The following KLHL14 variants were observed in gnomAD, a reference collection of about 807,000 sequenced individuals.
KLHL14 encodes the protein kelch like family member 14.
KLHL14 carries 22 observed loss-of-function variants against 64.3 expected under a neutral mutation model. The ratio of observed to expected loss-of-function variants is 0.34; its 90% CI spans 0.24 to 0.49. The LOEUF (loss-of-function observed/expected upper bound fraction) is 0.49, where lower values mean the gene tolerates loss of function less well. KLHL14 is among the 20% of genes least tolerant of loss of function. The pLI is 0.99. For synonymous variants in KLHL14, 322 were observed against 333.4 expected (o/e 0.97, Z 0.37); for missense variants, 661 against 789.0 (o/e 0.84, Z 1.94).
chr18:32,693,409 C>CAGAGAG (rs1300511311), intron 4 of KLHL14, among the ~76,000 whole-genome samples: 12 of 116,794 alleles, frequency 1.0e-4, no homozygotes, highest in South Asian at 8.4e-4. Context: ...CACACACACA[C>CAGAGAG]ACACAGAGAG....
At chr18:32,746,408 C>A (rs1356242802) in intron 2 of KLHL14, among the ~76,000 whole-genome samples, 1 of 152,188 alleles carries the variant, frequency 6.6e-6, no homozygotes, top group African/African-American at 2.4e-5. Context: ...TGAGTGCTGG[C>A]GTGCATACAT....
intron 4 of KLHL14, among the ~76,000 whole-genome samples, chr18:32,688,014 AG>A (rs1300509665): frequency 6.6e-6 from 1 of 152,234 alleles, no homozygotes; most frequent in African/African-American, 2.4e-5. Context: ...CTGCTTAACC[AG>A]CTTATCCTCT....
At chr18:32,684,981 T>A (rs2049869430) in intron 5 of KLHL14, among the ~76,000 whole-genome samples, 1 of 152,110 alleles carries the variant, frequency 6.6e-6, no homozygotes. Context: ...AGATCTGCCT[T>A]TTCCCACTCA....
At chr18:32,682,641 C>T (rs751304712) in intron 5 of KLHL14, among the ~76,000 whole-genome samples, 5 of 152,164 alleles carry the variant, frequency 3.3e-5, no homozygotes, top group Non-Finnish European at 7.4e-5. Context: ...AATTTCAAAG[C>T]AGTTGCAAAA....
intron 3 of KLHL14, among the ~76,000 whole-genome samples, chr18:32,723,774 A>AG (rs1038385933): frequency 6.6e-6 from 1 of 152,040 alleles, no homozygotes; most frequent in African/African-American, 2.4e-5. Flanking sequence ...GGGGTTGGAG[A>AG]GGGGGGTACA....
At chr18:32,708,159 C>A (rs1036697342) in intron 3 of KLHL14, among the ~76,000 whole-genome samples, 2 of 152,136 alleles carry the variant, frequency 1.3e-5, no homozygotes, top group African/African-American at 2.4e-5. Context: ...GTATTTCTGA[C>A]AAACTGCTTC....
At chr18:32,733,736 A>C (rs2050148236) in intron 3 of KLHL14, 1 of 166,174 alleles carries the variant, frequency 6.0e-6, no homozygotes, top group Admixed American at 5.8e-5. Flanking sequence ...CACAGGGAGA[A>C]GCAGGGGGCA....
At chr18:32,704,257 C>T (rs1222465185) in intron 3 of KLHL14, among the ~76,000 whole-genome samples, 3 of 152,066 alleles carry the variant, frequency 2.0e-5, no homozygotes, top group Admixed American at 1.3e-4. Flanking sequence ...TAGATGATGG[C>T]CCCATAGTTG....
At chr18:32,679,133 A>G (rs1346623764) in intron 7 of KLHL14, among the ~76,000 whole-genome samples, 1 of 149,296 alleles carries the variant, frequency 6.7e-6, no homozygotes, top group Non-Finnish European at 1.5e-5. Context: ...AGCAGCAGAC[A>G]TGCACTAGGC....
intron 3 of KLHL14, among the ~76,000 whole-genome samples, chr18:32,700,502 C>T (rs888157229): frequency 6.6e-6 from 1 of 152,182 alleles, no homozygotes; most frequent in Admixed American, 6.5e-5. Context: ...TTTCCAGAGA[C>T]ATTATATATA....
At chr18:32,740,836 C>T (rs760503219) in intron 3 of KLHL14, 3 of 152,134 alleles carry the variant, frequency 2.0e-5, no homozygotes, top group Admixed American at 6.6e-5. Context: ...CTGGACAATG[C>T]TACTGCAGGT....
intron 3 of KLHL14, among the ~76,000 whole-genome samples, chr18:32,709,202 A>G (rs897333140): frequency 1.5e-4 from 23 of 152,186 alleles, no homozygotes; most frequent in Non-Finnish European, 3.1e-4. Context: ...CGGTGCTCCA[A>G]CCATACCGGC....
At chr18:32,724,080 G>T (rs921472957) in intron 3 of KLHL14, among the ~76,000 whole-genome samples, 2 of 152,154 alleles carry the variant, frequency 1.3e-5, no homozygotes, top group Non-Finnish European at 2.9e-5. Context: ...GTCAGTTACA[G>T]GTCAAAGAAC....
rs528918580 is a variant in KLHL14 at position 32,679,918 on chromosome 18, GTTTCTTA to G, written c.1588+244_1588+250del. ...GTGTTCTTCAGTTATTAATGCTCCT[GTTTCTTA>G]TTTTCTGTAGACATCATTATCCTTT... On this transcript the variant is annotated intron_variant, in intron 7 of 8. Transcript: ENST00000359358. 5.3e-5 allele frequency among the ~76,000 whole-genome samples: 8 copies of G among 152,200 alleles called. No homozygotes were observed. In the South Asian group the frequency reaches 1.7e-3, roughly 32 times the overall value.
In KLHL14 at chr18:32,769,870, A is replaced by T; in HGVS notation, c.722T>A (p.Met241Lys). Residue 241 changes from methionine (M) to lysine (K), a missense_variant, in exon 2 of 9, where the codon ATG becomes AAG. Physicochemically the swap from Met to Lys is moderately conservative, Grantham distance 95. This residue lies in a region of KLHL14 where 331 missense variants were observed against 339.0 expected (regional missense o/e 0.98). Transcript: ENST00000359358. ...PVESELALFQ[M>K]SVLWLEHDRE... ...GTCGTGCTCCAGCCACAGCACGGAC[A>T]TCTGGAAGAGCGCCAGCTCCGACTC... 1.2e-6 allele frequency: 2 copies of T among 1,613,988 alleles called. No individual in the cohort carries two copies. The highest frequency in any genetic ancestry group is 1.7e-6 in the Non-Finnish European group (2 of 1,180,024).
At chr18:32,694,396 G>T (rs1345440198) in intron 4 of KLHL14, among the ~76,000 whole-genome samples, 2 of 152,184 alleles carry the variant, frequency 1.3e-5, no homozygotes, top group African/African-American at 4.8e-5. Context: ...TCATTACAAA[G>T]GTAAGTTAGG....
chr18:32,680,675 CA>C lies in KLHL14; in HGVS notation c.1239-77del. ...ACCTTTCGAAATAAGATAAGCACCA[CA>C]CAGCTAGTCAGGGAAAGGGGTGCAT... On this transcript the variant is annotated intron_variant, in intron 5 of 8. Coordinates refer to ENST00000359358, the MANE Select transcript of KLHL14 (RefSeq NM_020805.3). This position sits in a 1 kb window ranked among gnomAD's most constrained non-coding sequence, Gnocchi z 4.8. 7.1e-7 allele frequency: 1 copy of C among 1,403,504 alleles called. No individual in the cohort carries two copies. Among genetic ancestry groups the C allele is most frequent in the Non-Finnish European group, 9.6e-7 (1 of 1,036,928 alleles). The allele number at this position is 1,403,504 out of a possible 1,614,324, so 86.9% of individuals were successfully genotyped here. A position where few individuals can be genotyped will look rare whatever the true frequency, so the allele number is the denominator to read the frequency against.
At chr18:32,768,390 G>GACGCAC (rs2050357914) in intron 2 of KLHL14, among the ~76,000 whole-genome samples, 1 of 141,588 alleles carries the variant, frequency 7.1e-6, no homozygotes, top group Non-Finnish European at 1.5e-5. Flanking sequence ...GAAACATAAT[G>GACGCAC]ACACACACAC....
At chr18:32,715,900 T>A (rs539038215) in intron 3 of KLHL14, among the ~76,000 whole-genome samples, 1 of 152,308 alleles carries the variant, frequency 6.6e-6, no homozygotes, top group South Asian at 2.1e-4. Context: ...TGAGAAGAGC[T>A]GCCCAAAGTT....
Sources: gnomAD v4.1 joint callset for allele counts (sites outside exome capture counted in the v4.1 genomes callset) on GRCh38, gnomAD v4.1.1 for gene constraint, gnomAD v4.1.1 regional missense constraint, Gnocchi (gnomAD v3.1) non-coding constraint, MANE v1.5 for transcripts, NCBI Gene and HGNC (gene_info 2026-07-23, HGNC 2026-07-21) for gene names.